CDH13: variants seen among roughly 807,000 people sequenced by gnomAD.
CDH13 encodes the protein cadherin-13.
CDH13 carries 24 observed loss-of-function variants against 63.8 expected under a neutral mutation model. The ratio of observed to expected loss-of-function variants is 0.38; its 90% CI spans 0.27 to 0.53. The LOEUF (loss-of-function observed/expected upper bound fraction) is 0.53. CDH13 is among the 20% of genes least tolerant of loss of function. The probability of loss-of-function intolerance (pLI) is 0.85; values close to 1 mark genes in which losing one functional copy is unlikely to be tolerated. For synonymous variants in CDH13, 503 were observed against 355.3 expected (o/e 1.42, Z -4.67); for missense variants, 1,049 against 903.1 (o/e 1.16, Z -2.07).
intron 3 of CDH13, among the ~76,000 whole-genome samples, chr16:83,097,983 A>G (rs1158175153): frequency 6.6e-6 from 1 of 152,232 alleles, no homozygotes; most frequent in Non-Finnish European, 1.5e-5. Flanking sequence ...TGCCTAGTCA[A>G]GAAGCATATC....
intron 8 of CDH13, among the ~76,000 whole-genome samples, chr16:83,614,396 T>G (rs1489282829): frequency 6.6e-6 from 1 of 152,190 alleles, no homozygotes; most frequent in Non-Finnish European, 1.5e-5. Flanking sequence ...CACTTCTCAG[T>G]CCCTTGTCTC....
chr16:83,399,131 T>C (rs988491543), intron 6 of CDH13, among the ~76,000 whole-genome samples: 2 of 152,256 alleles, frequency 1.3e-5, no homozygotes, highest in Non-Finnish European at 2.9e-5. Flanking sequence ...ATAGATGGTT[T>C]GTTTCTGTAG....
intron 5 of CDH13, among the ~76,000 whole-genome samples, chr16:83,335,303 T>C (rs891309932): frequency 6.6e-6 from 1 of 152,196 alleles, no homozygotes; most frequent in African/African-American, 2.4e-5. Context: ...ACTGTACCCT[T>C]AACAATTACC....
At chr16:82,731,506 G>A (rs904397508) in intron 1 of CDH13, among the ~76,000 whole-genome samples, 1 of 152,164 alleles carries the variant, frequency 6.6e-6, no homozygotes, top group African/African-American at 2.4e-5. Flanking sequence ...TTAAACATCT[G>A]AAAAGTATTT....
intron 5 of CDH13, among the ~76,000 whole-genome samples, chr16:83,334,307 C>T (rs1318017602): frequency 2.7e-5 from 4 of 149,960 alleles, no homozygotes; most frequent in Non-Finnish European, 5.9e-5. Context: ...CTCTCTCTCC[C>T]CCCTCTCTCC....
At chr16:83,447,562 G>C (rs73601918) in intron 6 of CDH13, among the ~76,000 whole-genome samples, 1 of 152,024 alleles carries the variant, frequency 6.6e-6, no homozygotes, top group Admixed American at 6.5e-5. Context: ...GCTGGGCGGG[G>C]CAGATGATAC....
intron 2 of CDH13, among the ~76,000 whole-genome samples, chr16:82,894,411 G>A (rs1484490882): frequency 6.6e-6 from 1 of 152,204 alleles, no homozygotes; most frequent in African/African-American, 2.4e-5. Flanking sequence ...AGAGGCTGAG[G>A]CGAGTGGATC....
chr16:83,331,821 T>A (rs1036681825), intron 5 of CDH13, among the ~76,000 whole-genome samples: 1 of 152,238 alleles, frequency 6.6e-6, no homozygotes, highest in African/African-American at 2.4e-5. Context: ...TGTTGTACTT[T>A]CTGCAGATAC....
intron 1 of CDH13, among the ~76,000 whole-genome samples, chr16:82,711,888 T>C (rs146766879): frequency 6.6e-6 from 1 of 152,336 alleles, no homozygotes; most frequent in African/African-American, 2.4e-5. Context: ...TAGTTCCATT[T>C]AACAGTTGGA....
At chr16:83,603,793 A>G (rs1908075542) in intron 8 of CDH13, among the ~76,000 whole-genome samples, 1 of 152,154 alleles carries the variant, frequency 6.6e-6, no homozygotes, top group African/African-American at 2.4e-5. Flanking sequence ...GTAATTTACA[A>G]AGAAAAGAGG....
At chr16:83,706,331 T>C (rs1005072138) in intron 10 of CDH13, among the ~76,000 whole-genome samples, 3 of 152,160 alleles carry the variant, frequency 2.0e-5, no homozygotes, top group Non-Finnish European at 4.4e-5. Flanking sequence ...TCACTTCTAT[T>C]GCACTCATTC....
At chr16:83,523,728 A>G (rs1196392412) in intron 7 of CDH13, among the ~76,000 whole-genome samples, 3 of 152,204 alleles carry the variant, frequency 2.0e-5, no homozygotes, top group African/African-American at 7.2e-5. Flanking sequence ...TGCACATCCC[A>G]GAAGTATATA....
At chr16:83,094,708 T>A (rs552299161) in intron 3 of CDH13, among the ~76,000 whole-genome samples, 13 of 152,342 alleles carry the variant, frequency 8.5e-5, no homozygotes, top group Non-Finnish European at 1.3e-4. Flanking sequence ...TGTATTTTCA[T>A]TGAAGTAGCA....
chr16:83,375,237 A>C (rs1320412198), intron 6 of CDH13, among the ~76,000 whole-genome samples: 1 of 152,220 alleles, frequency 6.6e-6, no homozygotes, highest in Non-Finnish European at 1.5e-5. Context: ...AGGTTGGTTA[A>C]TTAGAAATAA....
chr16:83,353,261 A>T lies in CDH13; in HGVS notation c.781+8255A>T, dbSNP rs569818998. ...CTGAATCTTTGCCAAGTTGCTCCTAACTATGTCTGAAGGTCCTCTGGTGAT... is the reference window on the plus strand; with the variant it reads ...CTGAATCTTTGCCAAGTTGCTCCTATCTATGTCTGAAGGTCCTCTGGTGAT... On this transcript the variant is annotated intron_variant, in intron 6 of 13. Transcript: ENST00000567109. Among the ~76,000 whole-genome samples, 7 of 152,288 alleles carry T rather than the reference A, an allele frequency of 4.6e-5. No individual in the cohort carries two copies. In the East Asian group the frequency reaches 1.4e-3, roughly 29 times the overall value.
chr16:83,292,528 T>G (rs558066915), intron 5 of CDH13, among the ~76,000 whole-genome samples: 1 of 152,218 alleles, frequency 6.6e-6, no homozygotes, highest in East Asian at 1.9e-4. Flanking sequence ...AGAGCCATCT[T>G]TTTGTTTTGC....
At chr16:83,455,802 G>C (rs994009106) in intron 6 of CDH13, among the ~76,000 whole-genome samples, 4 of 152,196 alleles carry the variant, frequency 2.6e-5, no homozygotes, top group African/African-American at 9.6e-5. Context: ...TCTTCTGTTA[G>C]TGGCGCAGCT....
intron 7 of CDH13, among the ~76,000 whole-genome samples, chr16:83,498,172 G>C (rs1449332358): frequency 6.6e-6 from 1 of 152,232 alleles, no homozygotes; most frequent in African/African-American, 2.4e-5. Context: ...ATAGGTGAGA[G>C]GAGAGGGGGC....
At chr16:82,648,276 A>G (rs1012464713) in intron 1 of CDH13, among the ~76,000 whole-genome samples, 2 of 152,250 alleles carry the variant, frequency 1.3e-5, no homozygotes, top group African/African-American at 4.8e-5. Context: ...ATACAGGAAA[A>G]TATGTACAAA....
Sources: gnomAD v4.1 joint callset for allele counts (sites outside exome capture counted in the v4.1 genomes callset) on GRCh38, gnomAD v4.1.1 for gene constraint, MANE v1.5 for transcripts, NCBI Gene and HGNC (gene_info 2026-07-23, HGNC 2026-07-21) for gene names.